The following SRL variants were observed in gnomAD, a reference collection of about 807,000 sequenced individuals.
The protein encoded by SRL is sarcalumenin.
In SRL, 23 loss-of-function variants were observed where a neutral mutation model predicts 39.5. The observed-to-expected ratio is 0.58, with a 90% confidence interval of 0.42 to 0.82. The LOEUF is 0.82. SRL is among the 40% of genes least tolerant of loss of function. The pLI, the probability that SRL is intolerant of heterozygous loss-of-function variation, is 0.00. For synonymous variants in SRL, 272 were observed against 237.4 expected, an observed-to-expected ratio of 1.15 and a Z score of -1.34; for missense variants, 592 against 607.8, an observed-to-expected ratio of 0.97 and a Z score of 0.27.
chr16:4,207,105 G>C (rs1311902629), intron 1 of SRL: 1 of 456,084 alleles, frequency 2.2e-6, no homozygotes, highest in Non-Finnish European at 4.4e-6. Flanking sequence ...AGCCTCCTGG[G>C]GCTCCGTGGC....
At chr16:4,227,222 GTGGA>G (rs375592634) in intron 1 of SRL, among the ~76,000 whole-genome samples, 5,780 of 148,096 alleles carry the variant, frequency 0.039, 372 homozygotes, top group African/African-American at 0.14. Flanking sequence ...GGGTGGATGA[GTGGA>G]TGGGTGGGTG....
At chr16:4,227,226 A>ATGGG (rs1308779780) in intron 1 of SRL, among the ~76,000 whole-genome samples, 94 of 139,946 alleles carry the variant, frequency 6.7e-4, no homozygotes, top group Non-Finnish European at 5.9e-5. Flanking sequence ...GGATGAGTGG[A>ATGGG]TGGGTGGGTG....
intron 1 of SRL, among the ~76,000 whole-genome samples, chr16:4,236,056 A>C (rs981089085): frequency 6.6e-6 from 1 of 152,236 alleles, no homozygotes; most frequent in African/African-American, 2.4e-5. Context: ...CCTGCGCAAC[A>C]GAGTGAGTCC....
intron 5 of SRL, among the ~76,000 whole-genome samples, chr16:4,194,937 A>G (rs1252514273): frequency 7.9e-5 from 12 of 151,528 alleles, no homozygotes; most frequent in Non-Finnish European, 1.5e-4. Flanking sequence ...CTGTGTCACT[A>G]AGGCTGGAGT....
chr16:4,222,818 A>G (rs2052544627), intron 1 of SRL, among the ~76,000 whole-genome samples: 1 of 152,146 alleles, frequency 6.6e-6, no homozygotes, highest in Non-Finnish European at 1.5e-5. Flanking sequence ...TCCTGGCGAG[A>G]TGCGGTGGCT....
At chr16:4,219,625 T>C (rs998914454) in intron 1 of SRL, among the ~76,000 whole-genome samples, 1 of 152,046 alleles carries the variant, frequency 6.6e-6, no homozygotes, top group African/African-American at 2.4e-5. Context: ...GCCTAGGTAA[T>C]ATTTTTTATA....
At chr16:4,203,132 AATCTCAAGCCC>A (rs765243987) in intron 3 of SRL, 23 bp downstream of exon 3, 8 of 1,593,794 alleles carry the variant, frequency 5.0e-6, no homozygotes, top group Admixed American at 5.0e-5. Context: ...CCGTACCCGT[AATCTCAAGCCC>A]TACCTGTTAT....
chr16:4,231,553 C>T (rs934383754), intron 1 of SRL, among the ~76,000 whole-genome samples: 3 of 152,078 alleles, frequency 2.0e-5, no homozygotes, highest in Admixed American at 1.3e-4. Flanking sequence ...AAGCATGCCC[C>T]GACAACCGCT....
At chr16:4,213,411 T>TTTTC (rs1567182393) in intron 1 of SRL, among the ~76,000 whole-genome samples, 7 of 125,790 alleles carry the variant, frequency 5.6e-5, no homozygotes, top group South Asian at 5.8e-4. Flanking sequence ...TTTCTTTTTT[T>TTTTC]TTTTTTTTTT....
At chr16:4,203,362 G>A in intron 2 of SRL, 101 bp from the exon 3 acceptor site, 1 of 902,000 alleles carries the variant, frequency 1.1e-6, no homozygotes, top group Non-Finnish European at 1.8e-6. Flanking sequence ...CTCCACCCCT[G>A]CCTGGTGGGC....
In SRL at chr16:4,221,656, T is replaced by G. The variant is rs9922801; in HGVS notation, c.62-17022A>C. Among the ~76,000 whole-genome samples, 1,052 of 152,334 alleles carry G rather than the reference T, an allele frequency of 6.9e-3. 14 individuals carry two copies. The highest frequency in any genetic ancestry group is 0.024 in the African/African-American group (990 of 41,564). ...TGATGCCTGAATGTGGTTTTGTATT[T>G]GTTCTATGGGGCTGCTGTGACAAAG... is the stretch of plus-strand genomic sequence containing the variant. On this transcript the variant is annotated intron_variant, in intron 1 of 5. Transcript: ENST00000399609.
intron 1 of SRL, among the ~76,000 whole-genome samples, chr16:4,228,542 T>C (rs1022300602): frequency 1.4e-4 from 22 of 152,082 alleles, no homozygotes; most frequent in South Asian, 1.2e-3. Flanking sequence ...GAGACCATCC[T>C]GGCTAACACG....
At chr16:4,213,189 G>C (rs2141045671) in intron 1 of SRL, among the ~76,000 whole-genome samples, 1 of 152,186 alleles carries the variant, frequency 6.6e-6, no homozygotes, top group East Asian at 1.9e-4. Flanking sequence ...AAACAGCAGA[G>C]ACAGCCACCC....
chr16:4,209,133 G>C (rs959499606), intron 1 of SRL, among the ~76,000 whole-genome samples: 2 of 152,114 alleles, frequency 1.3e-5, no homozygotes, highest in African/African-American at 2.4e-5. Context: ...AATTAGCTGG[G>C]TGTGGTGACA....
intron 1 of SRL, among the ~76,000 whole-genome samples, chr16:4,205,421 C>A (rs994405642): frequency 4.0e-5 from 6 of 151,750 alleles, no homozygotes; most frequent in Non-Finnish European, 8.8e-5. Context: ...GTCTCAAAAA[C>A]AATAAAAATA....
At chr16:4,204,213 C>T (rs189537763) in intron 2 of SRL, among the ~76,000 whole-genome samples, 378 of 152,306 alleles carry the variant, frequency 2.5e-3, no homozygotes, top group South Asian at 8.5e-3. Context: ...AAAATCACAG[C>T]GAGGGAGATG....
At chr16:4,234,630 C>T (rs1158231310) in intron 1 of SRL, among the ~76,000 whole-genome samples, 5 of 152,178 alleles carry the variant, frequency 3.3e-5, no homozygotes, top group South Asian at 2.1e-4. Context: ...CAGTTAAATC[C>T]GTCCCATTTG....
At position 4,220,522 on chromosome 16, in the gene SRL, C is replaced by A. The variant is rs2052514900; in HGVS notation, c.62-15888G>T. Among the ~76,000 whole-genome samples the A allele has an allele frequency of 2.0e-5, 3 of 152,136 alleles. No individual in the cohort carries two copies. In the South Asian group the frequency reaches 6.2e-4, roughly 32 times the overall value. On this transcript the variant is annotated intron_variant, in intron 1 of 5. Coordinates refer to ENST00000399609, the MANE Select transcript of SRL (RefSeq NM_001098814.2). Reference sequence around the variant, plus strand: ...AGAGCCTCTGATTTACATCCCCAGACCCCTTAACCCCAGACACATGGGGAT... The same window carrying A: ...AGAGCCTCTGATTTACATCCCCAGAACCCTTAACCCCAGACACATGGGGAT...
At chr16:4,210,480 T>C (rs978251753) in intron 1 of SRL, among the ~76,000 whole-genome samples, 3 of 129,408 alleles carry the variant, frequency 2.3e-5, no homozygotes, top group African/African-American at 9.2e-5. Flanking sequence ...TGAGTATTAC[T>C]CATATCTTTT....
Sources: allele counts gnomAD v4.1 joint callset (sites outside exome capture counted in the v4.1 genomes callset), GRCh38; gene constraint gnomAD v4.1.1; transcripts MANE v1.5; gene names NCBI Gene and HGNC (gene_info 2026-07-23, HGNC 2026-07-21).